The following PRKN variants were observed in gnomAD, a reference collection of about 807,000 sequenced individuals.
PRKN encodes the protein E3 ubiquitin-protein ligase parkin.
PRKN carries 56 observed loss-of-function variants against 59.5 expected under a neutral mutation model. That is an observed-to-expected ratio of 0.94 (90% CI 0.76 to 1.18). The LOEUF (loss-of-function observed/expected upper bound fraction) is 1.18. Among genes scored for constraint, PRKN ranks in the 50% most tolerant of loss-of-function variants. The probability of loss-of-function intolerance (pLI) is 0.00; values close to 1 mark genes in which losing one functional copy is unlikely to be tolerated. For missense variants in PRKN, 657 were observed against 596.4 expected (o/e 1.10, Z -1.06); for synonymous variants, 250 against 222.1 (o/e 1.13, Z -1.12).
chr6:162,076,977 A>G (rs994921005), intron 4 of PRKN, among the ~76,000 whole-genome samples: 1 of 151,852 alleles, frequency 6.6e-6, no homozygotes, highest in South Asian at 2.1e-4. Context: ...TTCTTCACTC[A>G]CTCATCCACA....
At chr6:162,505,219 T>C (rs1179894589) in intron 1 of PRKN, among the ~76,000 whole-genome samples, 2 of 152,116 alleles carry the variant, frequency 1.3e-5, no homozygotes, top group Non-Finnish European at 2.9e-5. Flanking sequence ...TTTTCATATG[T>C]TCAAGTAAAC....
chr6:162,572,119 C>G (rs988415719), intron 1 of PRKN, among the ~76,000 whole-genome samples: 7 of 152,144 alleles, frequency 4.6e-5, no homozygotes, highest in Non-Finnish European at 7.3e-5. Flanking sequence ...TCTATTACCC[C>G]CTTTAGGTAC....
intron 6 of PRKN, among the ~76,000 whole-genome samples, chr6:161,844,083 T>C (rs953590990): frequency 6.6e-6 from 1 of 152,152 alleles, no homozygotes; most frequent in Non-Finnish European, 1.5e-5. Context: ...AGATAATGAA[T>C]AAGAATTTTC....
intron 6 of PRKN, among the ~76,000 whole-genome samples, chr6:161,958,931 T>G (rs1243775879): frequency 2.0e-5 from 3 of 152,058 alleles, no homozygotes; most frequent in Non-Finnish European, 2.9e-5. Context: ...GAGTGGTTAG[T>G]TTATAATATA....
intron 6 of PRKN, among the ~76,000 whole-genome samples, chr6:161,862,588 C>A (rs530961071): frequency 2.0e-5 from 3 of 152,136 alleles, no homozygotes; most frequent in African/African-American, 7.2e-5. Flanking sequence ...CTACTGTGAC[C>A]CCAGCCTGGA....
intron 11 of PRKN, among the ~76,000 whole-genome samples, chr6:161,350,628 A>G (rs1784495408): frequency 1.7e-5 from 2 of 117,058 alleles, no homozygotes; most frequent in South Asian, 2.6e-4. Flanking sequence ...ATATATTTTT[A>G]TATATTTATA....
chr6:162,394,834 T>C (rs1787392025), intron 2 of PRKN, among the ~76,000 whole-genome samples: 1 of 152,360 alleles, frequency 6.6e-6, no homozygotes, highest in Non-Finnish European at 1.5e-5. Context: ...GTGGTTATGA[T>C]AAAACACTTT....
intron 1 of PRKN, among the ~76,000 whole-genome samples, chr6:162,593,567 G>A (rs1781387228): frequency 6.6e-6 from 1 of 152,084 alleles, no homozygotes; most frequent in South Asian, 2.1e-4. Context: ...CAAACAAAGG[G>A]CCTATTTTGT....
intron 6 of PRKN, among the ~76,000 whole-genome samples, chr6:161,913,949 C>T (rs941496681): frequency 6.6e-5 from 10 of 152,160 alleles, no homozygotes; most frequent in African/African-American, 2.4e-4. Flanking sequence ...ACGAAGAGAG[C>T]CCTCACCAGG....
chr6:162,468,642 A>G (rs1791555212), intron 1 of PRKN, among the ~76,000 whole-genome samples: 1 of 152,254 alleles, frequency 6.6e-6, no homozygotes, highest in Admixed American at 6.5e-5. Flanking sequence ...AGATGAAGAC[A>G]GCTTAAGCAT....
intron 6 of PRKN, among the ~76,000 whole-genome samples, chr6:161,968,389 G>A (rs2128250469): frequency 6.6e-6 from 1 of 152,098 alleles, no homozygotes; most frequent in South Asian, 2.1e-4. Context: ...CCTTAGGGAA[G>A]GAAGCCTAGA....
intron 4 of PRKN, among the ~76,000 whole-genome samples, chr6:162,080,594 T>C (rs1478767656): frequency 1.3e-5 from 2 of 152,106 alleles, no homozygotes; most frequent in African/African-American, 4.8e-5. Flanking sequence ...AATTAAAAAA[T>C]ACTTCATTGC....
intron 7 of PRKN, among the ~76,000 whole-genome samples, chr6:161,596,395 A>G (rs1781914432): frequency 6.6e-6 from 1 of 152,192 alleles, no homozygotes; most frequent in Non-Finnish European, 1.5e-5. Flanking sequence ...GAAGATTTCT[A>G]TCTTTACTAG....
intron 9 of PRKN, among the ~76,000 whole-genome samples, chr6:161,412,435 T>G (rs1787620105): frequency 6.8e-6 from 1 of 147,934 alleles, no homozygotes; most frequent in South Asian, 2.2e-4. Flanking sequence ...CCTTCCTCAC[T>G]CATTCCTCCA....
At chr6:162,295,140 C>G (rs925861541) in intron 2 of PRKN, among the ~76,000 whole-genome samples, 2 of 152,200 alleles carry the variant, frequency 1.3e-5, no homozygotes, top group Non-Finnish European at 2.9e-5. Context: ...CCAGCATTCG[C>G]TGGTGCTGGG....
intron 6 of PRKN, among the ~76,000 whole-genome samples, chr6:161,903,317 C>CAAAGTG (rs1172227347): frequency 6.6e-6 from 1 of 152,284 alleles, no homozygotes; most frequent in African/African-American, 2.4e-5. Context: ...GCAGCAACTG[C>CAAAGTG]AAAGTGGGCT....
At chr6:162,064,951 T>C (rs367980319) in intron 4 of PRKN, among the ~76,000 whole-genome samples, 28 of 152,322 alleles carry the variant, frequency 1.8e-4, no homozygotes, top group African/African-American at 5.5e-4. Flanking sequence ...AAAAGTCTCT[T>C]ACAATAATAC....
intron 1 of PRKN, among the ~76,000 whole-genome samples, chr6:162,508,933 A>C (rs1045448031): frequency 6.6e-6 from 1 of 152,160 alleles, no homozygotes; most frequent in African/African-American, 2.4e-5. Context: ...GGCAGAGAAG[A>C]CTTCATAGAG....
chr6:162,122,397 C>A (rs1257552852), intron 4 of PRKN, among the ~76,000 whole-genome samples: 1 of 152,154 alleles, frequency 6.6e-6, no homozygotes, highest in African/African-American at 2.4e-5. Flanking sequence ...ATGCAGGAGG[C>A]AGCAAACGGT....
Sources: gnomAD v4.1 joint callset for allele counts (sites outside exome capture counted in the v4.1 genomes callset) on GRCh38, gnomAD v4.1.1 for gene constraint, MANE v1.5 for transcripts, NCBI Gene and HGNC (gene_info 2026-07-23, HGNC 2026-07-21) for gene names.